The following UNC45A variants were observed in gnomAD, a reference collection of about 807,000 sequenced individuals.
UNC45A encodes the protein unc-45 myosin chaperone A.
In UNC45A, 78 loss-of-function variants were observed where a neutral mutation model predicts 103.2. The observed-to-expected ratio is 0.76, with a 90% confidence interval of 0.63 to 0.91. UNC45A has a LOEUF of 0.91. Among genes scored for constraint, UNC45A ranks in the 40% least tolerant of loss-of-function variants. The pLI is 0.00. For missense variants in UNC45A, 1,193 were observed against 1,224.8 expected (o/e 0.97, Z 0.39); for synonymous variants, 495 against 504.6 (o/e 0.98, Z 0.25).
chr15:90,935,895 G>T (rs1001058612), intron 2 of UNC45A, 51 bp from the exon 3 acceptor site: 2 of 1,612,812 alleles, frequency 1.2e-6, no homozygotes, highest in Non-Finnish European at 8.5e-7. Flanking sequence ...CCTGGTTAGT[G>T]CCCCGAGAGG....
At position 90,946,917 on chromosome 15, in the gene UNC45A, G is replaced by A. The variant is rs774643322; in HGVS notation, c.1500+3G>A. ...GCATCCGCATCCGGGCGCTAGTGGT[G>A]AGACGGTGGGCCTGGGGTGGGTGGG... On this transcript the variant is annotated splice_donor_region_variant and intron_variant, in intron 10 of 19. Transcript: ENST00000418476. 1 of 1,488,026 alleles carries A rather than the reference G, an allele frequency of 6.7e-7. No homozygotes were observed. The highest frequency in any genetic ancestry group is 9.1e-7 in the Non-Finnish European group (1 of 1,096,662). 92.2% of individuals were successfully genotyped at this position (1,488,026 alleles called of 1,614,324 possible).
At chr15:90,942,765 G>A in intron 7 of UNC45A, 147 bp from the exon 8 acceptor site, 2 of 1,481,778 alleles carry the variant, frequency 1.3e-6, no homozygotes, top group South Asian at 2.6e-5. Flanking sequence ...AGCAACCAAG[G>A]TGCCTCAGGA....
At position 90,944,964 on chromosome 15, in the gene UNC45A, G is replaced by A. The variant is rs570475770; in HGVS notation, c.1100G>A (p.Ser367Asn). 6.2e-7 allele frequency: 1 copy of A among 1,612,750 alleles called. No individual in the cohort carries two copies. The highest frequency in any genetic ancestry group is 1.1e-5 in the South Asian group (1 of 91,026). The change falls in exon 9 of 20, where the codon AGC becomes AAC. Residue 367 changes from serine (S) to asparagine (N), a missense_variant. By Grantham distance (46) the Ser-to-Asn change is conservative. Coordinates refer to ENST00000418476, the MANE Select transcript of UNC45A (RefSeq NM_018671.5). ...GGGGAGCTCGCAGTGACCGCAAACA[G>A]CCGCATGAGCGCCTCTATTCTCCTC... is the stretch of plus-strand genomic sequence containing the variant. ...PPGELAVTAN[S>N]RMSASILLSK...
chr15:90,934,680 T>G (rs2035915564), upstream of UNC45A: 1 of 397,852 alleles, frequency 2.5e-6, no homozygotes, highest in African/African-American at 2.1e-5. Context: ...CAACAGAAAA[T>G]CATGTAGATC....
Position 90,953,798 on chromosome 15 carries a change from G to A in UNC45A, c.*82G>A, listed in dbSNP as rs1228510631. The A allele has an allele frequency of 1.2e-5, 19 of 1,529,964 alleles. No individual in the cohort carries two copies. The highest frequency in any genetic ancestry group is 4.1e-5 in the African/African-American group (3 of 73,132). The allele number at this position is 1,529,964 out of a possible 1,614,324, so 94.8% of individuals were successfully genotyped here. Reference sequence around the variant, plus strand: ...GTAAGGACGGAAGCAGCTTTGGCTGGTGGTGGCTGGCATGCCCAATACTCT... The same window carrying A: ...GTAAGGACGGAAGCAGCTTTGGCTGATGGTGGCTGGCATGCCCAATACTCT... On this transcript the variant is annotated 3_prime_UTR_variant, in exon 20 of 20. Coordinates refer to ENST00000418476, the MANE Select transcript of UNC45A (RefSeq NM_018671.5).
rs1567150673 is a variant in UNC45A at position 90,939,809 on chromosome 15, G to A, written c.505G>A (p.Glu169Lys). ...ILLDPEEKGT[E>K]KKQKASQNLV... is the part of the protein sequence containing the mutation. ...GTTGGACCCAGAAGAGAAGGGCACT[G>A]AGAAAAAGCAAAAGGTATAGGCCCT... The change falls in exon 5 of 20, where the codon GAG (glutamate) becomes AAG (lysine). Residue 169 changes from glutamate (E) to lysine (K), a missense_variant. Transcript: ENST00000418476. The A allele has an allele frequency of 6.2e-7, 1 of 1,614,136 alleles. No homozygotes were observed. The highest frequency in any genetic ancestry group is 2.2e-5 in the East Asian group (1 of 44,878).
At position 90,936,544 on chromosome 15, in the gene UNC45A, G is replaced by C; in HGVS notation, c.426+84G>C. On this transcript the variant is annotated intron_variant, in intron 4 of 19. Coordinates refer to ENST00000418476, the MANE Select transcript of UNC45A (RefSeq NM_018671.5). Reference sequence around the variant, plus strand: ...GGGGTGTAGACACAGTTCTCCAGACGAGATCCCGGTGGCAAGTGAACCTTG... The same window carrying C: ...GGGGTGTAGACACAGTTCTCCAGACCAGATCCCGGTGGCAAGTGAACCTTG... 4.7e-6 allele frequency: 7 copies of C among 1,478,870 alleles called. No homozygotes were observed. The South Asian group carries it at 9.6e-5, about 20-fold the overall frequency. The allele number at this position is 1,478,870 out of a possible 1,614,324, so 91.6% of individuals were successfully genotyped here.
chr15:90,944,877 G>T lies in UNC45A; in HGVS notation c.1028-15G>T. 6.2e-7 allele frequency: 1 copy of T among 1,610,514 alleles called. No homozygotes were observed. The highest frequency in any genetic ancestry group is 8.5e-7 in the Non-Finnish European group (1 of 1,179,076). On this transcript the variant is annotated splice_polypyrimidine_tract_variant and intron_variant, in intron 8 of 19. Coordinates refer to ENST00000418476, the MANE Select transcript of UNC45A (RefSeq NM_018671.5). The stretch of plus-strand genomic sequence containing the variant: ...GGAACTAGTGTTCTACTGTCTAAGC[G>T]GGGTGTCTTTACAGGTCTGAAAAAG...
intron 4 of UNC45A, among the ~76,000 whole-genome samples, chr15:90,939,140 C>T (rs772167439): frequency 4.6e-5 from 7 of 151,570 alleles, no homozygotes; most frequent in South Asian, 4.2e-4. Context: ...CCACCACGCC[C>T]GGCTAATTTT....
chr15:90,935,309 A>C lies in UNC45A; in HGVS notation c.-16A>C. The C allele has an allele frequency of 6.3e-7, 1 of 1,599,828 alleles. No individual in the cohort carries two copies. Among genetic ancestry groups the C allele is most frequent in the Non-Finnish European group, 8.5e-7 (1 of 1,175,424 alleles). ...CAGAGACTGCGCCTGCGCGGGCACGAGACAACCTCTCCGCGATGACTGTGA... is the reference window on the plus strand; with the variant it reads ...CAGAGACTGCGCCTGCGCGGGCACGCGACAACCTCTCCGCGATGACTGTGA... On this transcript the variant is annotated 5_prime_UTR_variant, in exon 1 of 20. Transcript: ENST00000418476.
chr15:90,935,109 G>C (rs1437834173), upstream of UNC45A: 3 of 597,590 alleles, frequency 5.0e-6, no homozygotes, highest in East Asian at 2.9e-5. Flanking sequence ...AGGTCTCTGC[G>C]GGGACAGCTT....
upstream of UNC45A, chr15:90,934,521 T>A (rs1016175511): frequency 5.0e-6 from 2 of 398,854 alleles, no homozygotes; most frequent in Admixed American, 8.8e-5. Context: ...AGTCAATCTG[T>A]CCGCTCTTCC....
intron 10 of UNC45A, chr15:90,947,261 G>C: frequency 6.4e-6 from 2 of 313,844 alleles, no homozygotes; most frequent in Non-Finnish European, 1.2e-5. Flanking sequence ...TCCCTCCATG[G>C]GGCTTAAGAC....
Position 90,936,412 on chromosome 15 carries a change from A to G in UNC45A, c.378A>G (p.Lys126=), listed in dbSNP as rs886660732. The G allele has an allele frequency of 3.4e-5, 55 of 1,614,188 alleles. No individual in the cohort carries two copies. The highest frequency in any genetic ancestry group is 4.7e-5 in the Non-Finnish European group (55 of 1,180,030). Reference sequence around the variant, plus strand: ...GTGTGAGCTTGGAGCCCAAGAACAAAGTTTTCCAGGAGGCCTTGCGGAACA... The same window carrying G: ...GTGTGAGCTTGGAGCCCAAGAACAAGGTTTTCCAGGAGGCCTTGCGGAACA... ...QRCVSLEPKN[K]VFQEALRNIG... Residue 126 remains lysine (K), a synonymous_variant, in exon 4 of 20, where the codon AAA becomes AAG. Coordinates refer to ENST00000418476, the MANE Select transcript of UNC45A (RefSeq NM_018671.5).
chr15:90,944,343 C>T (rs1342922451), intron 8 of UNC45A, among the ~76,000 whole-genome samples: 2 of 151,806 alleles, frequency 1.3e-5, no homozygotes, highest in Admixed American at 6.6e-5. Flanking sequence ...GCCGAGATCG[C>T]GCCATTGCTC....
At chr15:90,932,498 C>G, upstream of UNC45A, 1 of 1,304,162 alleles carries the variant, frequency 7.7e-7, no homozygotes, top group Non-Finnish European at 9.7e-7. Flanking sequence ...TTGCGAGCCG[C>G]GAAGTCGGCA....
At chr15:90,942,658 G>A (rs1290372105) in intron 7 of UNC45A, 53 bp downstream of exon 7, 2 of 1,612,152 alleles carry the variant, frequency 1.2e-6, no homozygotes, top group Non-Finnish European at 1.7e-6. Context: ...TGGAAGGGAT[G>A]GGGCTGAGCC....
At chr15:90,932,461 G>A (rs143797628), upstream of UNC45A, 560 of 1,332,586 alleles carry the variant, frequency 4.2e-4, 2 homozygotes, top group African/African-American at 6.7e-3. Context: ...GGTCCCCTCG[G>A]GGTCCTTCCG....
At chr15:90,949,923 G>C (rs2036799526) in intron 15 of UNC45A, 1 of 675,416 alleles carries the variant, frequency 1.5e-6, no homozygotes. Context: ...AAGGTCCTAG[G>C]CTCTACTGTT....
Sources: gnomAD v4.1 joint callset for allele counts (sites outside exome capture counted in the v4.1 genomes callset) on GRCh38, gnomAD v4.1.1 for gene constraint, MANE v1.5 for transcripts, NCBI Gene and HGNC (gene_info 2026-07-23, HGNC 2026-07-21) for gene names.